SYT2: variants seen among roughly 807,000 people sequenced by gnomAD.
SYT2 encodes synaptotagmin-2.
In SYT2, 15 loss-of-function variants were observed where a neutral mutation model predicts 39.9. That is an observed-to-expected ratio of 0.38 (90% CI 0.25 to 0.58). The LOEUF (loss-of-function observed/expected upper bound fraction) is 0.58, where lower values mean the gene tolerates loss of function less well. Among genes scored for constraint, SYT2 ranks in the 20% least tolerant of loss-of-function variants. The probability of loss-of-function intolerance (pLI) is 0.70; values close to 1 mark genes in which losing one functional copy is unlikely to be tolerated. For missense variants in SYT2, 389 were observed against 530.3 expected (o/e 0.73, Z 2.62); for synonymous variants, 181 against 204.5 (o/e 0.89, Z 0.98).
intron 1 of SYT2, among the ~76,000 whole-genome samples, chr1:202,707,389 C>G (rs1413616759): frequency 6.6e-6 from 1 of 152,168 alleles, no homozygotes; most frequent in Non-Finnish European, 1.5e-5. Flanking sequence ...ACCCTGCCCC[C>G]CCATTACTCC....
chr1:202,673,412 T>C (rs949408858), intron 1 of SYT2, among the ~76,000 whole-genome samples: 1 of 152,170 alleles, frequency 6.6e-6, no homozygotes, highest in Non-Finnish European at 1.5e-5. Context: ...CACATCTAAA[T>C]CAGGCCCAAA....
At chr1:202,654,604 T>A (rs1692248036) in intron 1 of SYT2, among the ~76,000 whole-genome samples, 1 of 152,188 alleles carries the variant, frequency 6.6e-6, no homozygotes, top group Non-Finnish European at 1.5e-5. Flanking sequence ...GGGGAGTTCA[T>A]CCTACTTGGA....
chr1:202,623,722 G>A lies in SYT2; in HGVS notation c.-17-17933C>T, dbSNP rs542535382. Among the ~76,000 whole-genome samples the A allele has an allele frequency of 2.0e-5, 3 of 152,292 alleles. No individual in the cohort carries two copies. Among genetic ancestry groups the A allele is most frequent in the African/African-American group, 7.2e-5 (3 of 41,564 alleles). ...GCATGCTCTGAGTGTGAGGGAGGACGGGTAGGACTGTGGGGGTCTGCCCTG... is the reference window on the plus strand; with the variant it reads ...GCATGCTCTGAGTGTGAGGGAGGACAGGTAGGACTGTGGGGGTCTGCCCTG... On this transcript the variant is annotated intron_variant, in intron 1 of 8. Transcript: ENST00000367268. This position sits in a 1 kb window ranked among gnomAD's most constrained non-coding sequence, Gnocchi z 4.2.
chr1:202,688,684 C>T (rs1208265466), intron 1 of SYT2, among the ~76,000 whole-genome samples: 4 of 152,206 alleles, frequency 2.6e-5, no homozygotes, highest in Non-Finnish European at 5.9e-5. Context: ...AGGACACATT[C>T]GTTTGCAGCA....
Position 202,600,405 on chromosome 1 carries a change from T to A in SYT2, c.871A>T (p.Ile291Phe). Residue 291 changes from isoleucine (I) to phenylalanine (F), a missense_variant, in exon 7 of 9, where the codon ATC (isoleucine) becomes TTC (phenylalanine). Physicochemically the swap from Ile to Phe is conservative, Grantham distance 21. Transcript: ENST00000367268. ...VPTAGKLTVC[I>F]LEAKNLKKMD... ...TTCTTGAGGTTCTTAGCCTCCAGGA[T>A]GCAGACAGTGAGCTTCCCGGCCGTG... 1.2e-6 allele frequency: 2 copies of A among 1,614,214 alleles called. No homozygotes were observed. The highest frequency in any genetic ancestry group is 2.2e-5 in the South Asian group (2 of 91,086).
In SYT2 at chr1:202,591,402, G is replaced by C. The variant is rs915399004; in HGVS notation, c.*5355C>G. ...GGGGCCAGGGGCCGCAGGCAGGGGG[G>C]CTACCTGTCCCTCTCAGTTCAACAG... On this transcript the variant is annotated 3_prime_UTR_variant, in exon 9 of 9. Coordinates refer to ENST00000367268, the MANE Select transcript of SYT2 (RefSeq NM_177402.5). 4 of 152,690 alleles carry C rather than the reference G, an allele frequency of 2.6e-5. No homozygotes were observed. The highest frequency in any genetic ancestry group is 4.4e-5 in the Non-Finnish European group (3 of 68,322). 9.5% of individuals were successfully genotyped at this position (152,690 alleles called of 1,614,324 possible).
In SYT2 at chr1:202,604,726, A is replaced by AT. The variant is rs1690639884; in HGVS notation, c.179-106dup. The AT allele has an allele frequency of 2.3e-5, 25 of 1,094,970 alleles. No homozygotes were observed. In the South Asian group the frequency reaches 3.8e-4, roughly 16 times the overall value. 67.8% of individuals were successfully genotyped at this position (1,094,970 alleles called of 1,614,324 possible). On this transcript the variant is annotated intron_variant, in intron 2 of 8. Coordinates refer to ENST00000367268, the MANE Select transcript of SYT2 (RefSeq NM_177402.5). ...TGAGGAATATGACTGCCATCCCACA[A>AT]TGCCCACACCCCACATTTTAAAAGC...
intron 1 of SYT2, among the ~76,000 whole-genome samples, chr1:202,678,222 C>T (rs886683612): frequency 6.0e-5 from 8 of 134,048 alleles, no homozygotes; most frequent in East Asian, 2.2e-4. Flanking sequence ...TGCAGTGAGC[C>T]GAGATCGTGC....
At chr1:202,679,330 C>T (rs1653468758) in intron 1 of SYT2, among the ~76,000 whole-genome samples, 1 of 152,184 alleles carries the variant, frequency 6.6e-6, no homozygotes, top group African/African-American at 2.4e-5. Flanking sequence ...CCAATTGCAG[C>T]TGTTTATTGG....
chr1:202,604,959 G>A (rs931061651), intron 2 of SYT2: 9 of 236,888 alleles, frequency 3.8e-5, no homozygotes, highest in African/African-American at 2.1e-4. Context: ...TGGAGGACTG[G>A]CTCACTCTAG....
At chr1:202,687,240 C>G (rs559253552) in intron 1 of SYT2, among the ~76,000 whole-genome samples, 5 of 152,254 alleles carry the variant, frequency 3.3e-5, no homozygotes, top group Admixed American at 6.5e-5. Flanking sequence ...GTCCCCTCCC[C>G]CTACGACCCA....
intron 1 of SYT2, among the ~76,000 whole-genome samples, chr1:202,624,164 G>A (rs191369867): frequency 7.4e-4 from 112 of 152,158 alleles, no homozygotes; most frequent in South Asian, 2.1e-4. Context: ...CATATGTGGC[G>A]TGTGCATGTA....
At chr1:202,708,507 G>A (rs1219518854) in intron 1 of SYT2, among the ~76,000 whole-genome samples, 1 of 152,076 alleles carries the variant, frequency 6.6e-6, no homozygotes, top group African/African-American at 2.4e-5. Context: ...CTGCCTGGCA[G>A]CCAAGCAGAG....
intron 1 of SYT2, among the ~76,000 whole-genome samples, chr1:202,664,779 C>G (rs548781792): frequency 3.3e-5 from 5 of 152,316 alleles, no homozygotes; most frequent in Admixed American, 3.3e-4. Flanking sequence ...CCTGCCTCAG[C>G]CTCCCAAGTG....
rs1199598596 is a variant in SYT2 at position 202,601,071 on chromosome 1, A to G, written c.802-597T>C. On this transcript the variant is annotated intron_variant, in intron 6 of 8. Coordinates refer to ENST00000367268, the MANE Select transcript of SYT2 (RefSeq NM_177402.5). This position sits in a 1 kb window ranked among gnomAD's most constrained non-coding sequence, Gnocchi z 4.0. ...ACAAGACAAGAATTCTTTGTAACCA[A>G]TGAGAAACTGAGGTTCCCAGAGGCC... is the stretch of plus-strand genomic sequence containing the variant. Among the ~76,000 whole-genome samples, 2 of 152,210 alleles carry G rather than the reference A, an allele frequency of 1.3e-5. No homozygotes were observed. The highest frequency in any genetic ancestry group is 2.4e-5 in the African/African-American group (1 of 41,438).
intron 1 of SYT2, among the ~76,000 whole-genome samples, chr1:202,642,656 G>A (rs1691949561): frequency 6.6e-6 from 1 of 152,204 alleles, no homozygotes; most frequent in African/African-American, 2.4e-5. Context: ...GGACGGCTGC[G>A]GCAAGGCGGG....
At chr1:202,624,282 A>AGGATGTGTGTGC (rs1464850503) in intron 1 of SYT2, among the ~76,000 whole-genome samples, 54 of 140,482 alleles carry the variant, frequency 3.8e-4, no homozygotes, top group Non-Finnish European at 2.9e-4. Flanking sequence ...TGGGGTGTGT[A>AGGATGTGTGTGC]TATATGGTGT....
chr1:202,701,519 TGAAAA>T (rs1337529042), intron 1 of SYT2, among the ~76,000 whole-genome samples: 1 of 152,232 alleles, frequency 6.6e-6, no homozygotes, highest in Non-Finnish European at 1.5e-5. Context: ...TGCTGCTTCA[TGAAAA>T]GAAGACATTC....
chr1:202,652,378 G>T (rs1262078039), intron 1 of SYT2, among the ~76,000 whole-genome samples: 1 of 152,234 alleles, frequency 6.6e-6, no homozygotes, highest in Non-Finnish European at 1.5e-5. Flanking sequence ...TGTCTTCACT[G>T]TTCTTCATCT....
Sources: gnomAD v4.1 joint callset for allele counts (sites outside exome capture counted in the v4.1 genomes callset) on GRCh38, gnomAD v4.1.1 for gene constraint, Gnocchi (gnomAD v3.1) non-coding constraint, MANE v1.5 for transcripts, NCBI Gene and HGNC (gene_info 2026-07-23, HGNC 2026-07-21) for gene names.